The following PRICKLE1 variants were observed in gnomAD, a reference collection of about 807,000 sequenced individuals.
PRICKLE1 encodes prickle-like protein 1.
Under a neutral mutation model 70.2 loss-of-function variants are expected in PRICKLE1, and 14 were observed. The observed-to-expected ratio is 0.20, with a 90% confidence interval of 0.13 to 0.31. PRICKLE1 has a LOEUF of 0.31. Among genes scored for constraint, PRICKLE1 ranks in the 10% least tolerant of loss-of-function variants. The probability of loss-of-function intolerance (pLI) is 1.00; values close to 1 mark genes in which losing one functional copy is unlikely to be tolerated. For synonymous variants in PRICKLE1, 357 were observed against 379.9 expected (o/e 0.94, Z 0.70); for missense variants, 821 against 1,026.2 (o/e 0.80, Z 2.73).
At chr12:42,546,899 C>T (rs1940224722) in intron 1 of PRICKLE1, among the ~76,000 whole-genome samples, 1 of 152,072 alleles carries the variant, frequency 6.6e-6, no homozygotes, top group Admixed American at 6.6e-5. Context: ...GTTGTCTGTC[C>T]TTGGGCCTTT....
At chr12:42,553,520 T>A (rs1177827509) in intron 1 of PRICKLE1, among the ~76,000 whole-genome samples, 1 of 44,618 alleles carries the variant, frequency 2.2e-5, no homozygotes, top group African/African-American at 7.7e-5. Context: ...GGCTCTAGAA[T>A]CAGGGGGTGG....
chr12:42,495,714 G>A (rs1401304371), intron 1 of PRICKLE1, among the ~76,000 whole-genome samples: 1 of 151,924 alleles, frequency 6.6e-6, no homozygotes, highest in Non-Finnish European at 1.5e-5. Context: ...TCAGCCTCCT[G>A]AGTAGCTGGG....
rs71084673 is a variant in PRICKLE1 at position 42,564,269 on chromosome 12, A to AAAAAAG, written c.-49+25195_-49+25196insCTTTTT. ...GACTCTGTCTAAAAAAAAAAAAAAAAAAAGAAAAGAAAAAAGAAAAAGGTC... is the reference window on the plus strand; with the variant it reads ...GACTCTGTCTAAAAAAAAAAAAAAAAAAAAAGAAAGAAAAGAAAAAAGAAAAAGGTC... On this transcript the variant is annotated intron_variant, in intron 1 of 7. Coordinates refer to ENST00000345127, the MANE Select transcript of PRICKLE1 (RefSeq NM_153026.3). 7.6e-3 allele frequency among the ~76,000 whole-genome samples: 949 copies of AAAAAAG among 124,978 alleles called. 59 individuals carry two copies. Among genetic ancestry groups the AAAAAAG allele is most frequent in the African/African-American group, 0.02 (650 of 33,028 alleles). The allele number at this position is 124,978 out of a possible 152,430, so 82.0% of individuals were successfully genotyped here. A position where few individuals can be genotyped will look rare whatever the true frequency, so the allele number is the denominator to read the frequency against.
intron 7 of PRICKLE1, among the ~76,000 whole-genome samples, chr12:42,462,935 C>G (rs1937915486): frequency 6.6e-6 from 1 of 152,238 alleles, no homozygotes; most frequent in African/African-American, 2.4e-5. Flanking sequence ...CAAGTTTCCT[C>G]ATTTGTGAAA....
At position 42,543,723 on chromosome 12, in the gene PRICKLE1, G is replaced by A. The variant is rs538863970; in HGVS notation, c.-49+45742C>T. 6.4e-4 allele frequency among the ~76,000 whole-genome samples: 98 copies of A among 151,994 alleles called. 1 individual carries two copies. The highest frequency in any genetic ancestry group is 5.0e-3 in the South Asian group (24 of 4,802). Reference sequence around the variant, plus strand: ...TTTTTAGTAGAGGTGGGGTTTCACCGTGTTAGCCAGGATGGTCTCGATCTC... The same window carrying A: ...TTTTTAGTAGAGGTGGGGTTTCACCATGTTAGCCAGGATGGTCTCGATCTC... On this transcript the variant is annotated intron_variant, in intron 1 of 7. Coordinates refer to ENST00000345127, the MANE Select transcript of PRICKLE1 (RefSeq NM_153026.3).
At chr12:42,541,860 T>C (rs1940122257) in intron 1 of PRICKLE1, among the ~76,000 whole-genome samples, 1 of 152,170 alleles carries the variant, frequency 6.6e-6, no homozygotes, top group Non-Finnish European at 1.5e-5. Flanking sequence ...TAAGATCATG[T>C]TTATGACAGA....
chr12:42,508,603 G>GA (rs530865766), intron 1 of PRICKLE1, among the ~76,000 whole-genome samples: 1 of 152,148 alleles, frequency 6.6e-6, no homozygotes, highest in African/African-American at 2.4e-5. Flanking sequence ...AGAGGTAAAA[G>GA]AAAAAATACA....
intron 1 of PRICKLE1, among the ~76,000 whole-genome samples, chr12:42,497,815 A>G (rs1274347381): frequency 6.6e-6 from 1 of 152,114 alleles, no homozygotes; most frequent in African/African-American, 2.4e-5. Context: ...GTGAAGCATG[A>G]TACAGCAGTG....
chr12:42,469,386 C>T, intron 4 of PRICKLE1, 64 bp downstream of exon 4: 2 of 1,600,322 alleles, frequency 1.2e-6, no homozygotes, highest in Non-Finnish European at 1.7e-6. Flanking sequence ...AGTCACCTAC[C>T]CCCGACTGTC....
chr12:42,553,250 C>T (rs899621245), intron 1 of PRICKLE1, among the ~76,000 whole-genome samples: 2 of 152,066 alleles, frequency 1.3e-5, no homozygotes, highest in Non-Finnish European at 2.9e-5. Flanking sequence ...AGAGACCATC[C>T]TGGCTAACAC....
intron 1 of PRICKLE1, among the ~76,000 whole-genome samples, chr12:42,567,805 A>G (rs1214639966): frequency 6.6e-6 from 1 of 151,846 alleles, no homozygotes; most frequent in East Asian, 1.9e-4. Flanking sequence ...TCAAAAAAAA[A>G]AAAAAAAAAA....
chr12:42,578,675 A>G (rs930746818), intron 1 of PRICKLE1, among the ~76,000 whole-genome samples: 6 of 152,134 alleles, frequency 3.9e-5, no homozygotes, highest in Non-Finnish European at 7.4e-5. Context: ...AAATATCTCT[A>G]TCTCCTTTCT....
At position 42,460,486 on chromosome 12, in the gene PRICKLE1, T is replaced by C; in HGVS notation, c.1819A>G (p.Ile607Val). The change falls in exon 8 of 8, where the codon ATC becomes GTC. Residue 607 changes from isoleucine (I) to valine (V), a missense_variant. By Grantham distance (29) the Ile-to-Val change is conservative (BLOSUM62 3). Transcript: ENST00000345127. ...TGTACTGGCTTCTCTTCAGGCAGGA[T>C]TTTCTCTGGACACAACTCTGAACTT... Reference protein sequence around the residue: ...SLSSELCPEKILPEEKPVHLP... With the variant: ...SLSSELCPEKVLPEEKPVHLP... The C allele has an allele frequency of 1.2e-6, 2 of 1,613,708 alleles. No homozygotes were observed. The highest frequency in any genetic ancestry group is 1.7e-6 in the Non-Finnish European group (2 of 1,179,678).
intron 1 of PRICKLE1, among the ~76,000 whole-genome samples, chr12:42,476,913 G>A (rs1399710683): frequency 6.6e-6 from 1 of 151,544 alleles, no homozygotes; most frequent in Non-Finnish European, 1.5e-5. Context: ...GCCTCCCAAA[G>A]TGCTGGGATT....
chr12:42,573,543 A>C (rs1251307280), intron 1 of PRICKLE1, among the ~76,000 whole-genome samples: 3 of 152,172 alleles, frequency 2.0e-5, no homozygotes, highest in Non-Finnish European at 4.4e-5. Context: ...AGAAAGGAAA[A>C]GGAAAGTATG....
At chr12:42,516,960 T>C (rs994155783) in intron 1 of PRICKLE1, among the ~76,000 whole-genome samples, 5 of 152,226 alleles carry the variant, frequency 3.3e-5, no homozygotes, top group African/African-American at 9.7e-5. Flanking sequence ...TTTGGTTTTG[T>C]TTAGGTACCC....
intron 1 of PRICKLE1, among the ~76,000 whole-genome samples, chr12:42,580,051 T>C (rs1418683076): frequency 6.6e-6 from 1 of 152,018 alleles, no homozygotes; most frequent in Non-Finnish European, 1.5e-5. Flanking sequence ...TTTTGTTTTT[T>C]TTTAGTAGAG....
chr12:42,527,004 T>C (rs1939814388), intron 1 of PRICKLE1, among the ~76,000 whole-genome samples: 1 of 151,842 alleles, frequency 6.6e-6, no homozygotes, highest in African/African-American at 2.4e-5. Context: ...TGTCACACTG[T>C]GGACCAGCAC....
rs1014775022 is a variant in PRICKLE1 at position 42,458,409 on chromosome 12, C to T, written c.*1400G>A. On this transcript the variant is annotated 3_prime_UTR_variant, in exon 8 of 8. Coordinates refer to ENST00000345127, the MANE Select transcript of PRICKLE1 (RefSeq NM_153026.3). ...GCCTCCCTAAAGGTCCTGGATGCCA[C>T]TAGAACCTTTAGTTAGGACTGAGAT... is the stretch of plus-strand genomic sequence containing the variant. 1 of 152,220 alleles carries T rather than the reference C, an allele frequency of 6.6e-6. No individual in the cohort carries two copies. Among genetic ancestry groups the T allele is most frequent in the Non-Finnish European group, 1.5e-5 (1 of 68,046 alleles). The allele number at this position is 152,220 out of a possible 1,614,324, so 9.4% of individuals were successfully genotyped here. A position where few individuals can be genotyped will look rare whatever the true frequency, so the allele number is the denominator to read the frequency against.
Sources: gnomAD v4.1 joint callset for allele counts (sites outside exome capture counted in the v4.1 genomes callset) on GRCh38, gnomAD v4.1.1 for gene constraint, MANE v1.5 for transcripts, NCBI Gene and HGNC (gene_info 2026-07-23, HGNC 2026-07-21) for gene names.